The following HSD11B1 variants were observed in gnomAD, a reference collection of about 807,000 sequenced individuals.
HSD11B1 encodes 11-beta-hydroxysteroid dehydrogenase 1.
A neutral mutation model predicts 22.1 loss-of-function variants in HSD11B1; 15 were observed. That is an observed-to-expected ratio of 0.68 (90% CI 0.45 to 1.04). The LOEUF (loss-of-function observed/expected upper bound fraction) is 1.04, where lower values mean the gene tolerates loss of function less well. Ranked by LOEUF, HSD11B1 falls within the 50% of genes least tolerant of loss-of-function variation. HSD11B1 has a pLI of 0.00. For missense variants in HSD11B1, 281 were observed against 357.6 expected (o/e 0.79, Z 1.73); for synonymous variants, 122 against 125.2 (o/e 0.97, Z 0.17).
chr1:209,697,573 A>G (rs1314895816), intron 1 of HSD11B1, among the ~76,000 whole-genome samples: 1 of 152,180 alleles, frequency 6.6e-6, no homozygotes, highest in Non-Finnish European at 1.5e-5. Context: ...TTTTATTCAT[A>G]GTACCTGACC....
intron 1 of HSD11B1, among the ~76,000 whole-genome samples, chr1:209,699,245 A>G (rs10863782): frequency 0.71 from 108,034 of 151,732 alleles, 40,520 homozygotes; most frequent in Non-Finnish European, 0.83. Context: ...GGTGGCAAGA[A>G]AGGGAGAATC....
intron 4 of HSD11B1, among the ~76,000 whole-genome samples, chr1:209,729,707 T>G (rs1250057731): frequency 6.6e-6 from 1 of 152,152 alleles, no homozygotes; most frequent in Non-Finnish European, 1.5e-5. Flanking sequence ...ATATCCCTGA[T>G]GAACACAGAT....
At chr1:209,727,350 ACG>A (rs1002415158) in intron 4 of HSD11B1, among the ~76,000 whole-genome samples, 3 of 152,224 alleles carry the variant, frequency 2.0e-5, no homozygotes, top group African/African-American at 7.2e-5. Context: ...CTGTAGTCTT[ACG>A]CTACCAAGTT....
intron 4 of HSD11B1, among the ~76,000 whole-genome samples, chr1:209,726,021 C>A (rs566751908): frequency 6.6e-6 from 1 of 152,222 alleles, no homozygotes; most frequent in African/African-American, 2.4e-5. Context: ...TATATGCTTG[C>A]ATAATAGTTC....
rs767730769 is a variant in HSD11B1, at chr1:209,707,147, T to A, written c.517+19T>A. 6.9e-6 allele frequency: 11 copies of A among 1,595,926 alleles called. No individual in the cohort carries two copies. In the Admixed American group the frequency reaches 1.0e-4, roughly 15 times the overall value. The stretch of plus-strand genomic sequence containing the variant: ...CTGGCTGGTAAGTGGGACAGGGACA[T>A]ATGTGGAAGGTAGAAGAAAAAAAAA... On this transcript the variant is annotated intron_variant, in intron 4 of 5. Coordinates refer to ENST00000367027, the MANE Select transcript of HSD11B1 (RefSeq NM_005525.4).
At position 209,690,026 on chromosome 1, in the gene HSD11B1, A is replaced by G. The variant is rs564556529; in HGVS notation, c.-49+3741A>G. On this transcript the variant is annotated intron_variant, in intron 1 of 6. Coordinates refer to the HSD11B1 transcript ENST00000261465. ...AAGAAGCCAATTTTTGGCTGAAAAT[A>G]AACTTTCCTTCTCCAGCAGTGTCTC... Among the ~76,000 whole-genome samples, 3 of 152,344 alleles carry G rather than the reference A, an allele frequency of 2.0e-5. No individual in the cohort carries two copies. The South Asian group carries it at 6.2e-4, about 32-fold the overall frequency.
At position 209,722,867 on chromosome 1, in the gene HSD11B1, C is replaced by A. The variant is rs2298930; in HGVS notation, c.518-9569C>A. Reference sequence around the variant, plus strand: ...TCAATTAAAGCAGTCTAAAATCCATCTTTGAATTGGTAATCATTTCAAAAT... The same window carrying A: ...TCAATTAAAGCAGTCTAAAATCCATATTTGAATTGGTAATCATTTCAAAAT... On this transcript the variant is annotated intron_variant, in intron 4 of 5. Transcript: ENST00000367027. Among the ~76,000 whole-genome samples the A allele has an allele frequency of 6.6e-5, 10 of 152,310 alleles. No individual in the cohort carries two copies. The South Asian group carries it at 1.9e-3, about 28-fold the overall frequency.
upstream of HSD11B1, among the ~76,000 whole-genome samples, chr1:209,701,543 T>G (rs919945757): frequency 5.9e-5 from 9 of 152,170 alleles, no homozygotes; most frequent in Non-Finnish European, 1.0e-4. Context: ...CCTCTCCTGT[T>G]TCAACGTTGC....
upstream of HSD11B1, among the ~76,000 whole-genome samples, chr1:209,702,834 T>C (rs1350175665): frequency 6.6e-6 from 1 of 152,254 alleles, no homozygotes; most frequent in African/African-American, 2.4e-5. Context: ...ATGCATCAAC[T>C]ACCATTACAC....
intron 1 of HSD11B1, 102 bp downstream of exon 1, chr1:209,705,132 G>T (rs886097873): frequency 1.1e-6 from 1 of 934,814 alleles, no homozygotes; most frequent in Non-Finnish European, 1.8e-6. Context: ...CTCAAAGTTG[G>T]TGAAAATGAG....
chr1:209,726,273 C>G (rs2077000517), intron 4 of HSD11B1, among the ~76,000 whole-genome samples: 1 of 50,720 alleles, frequency 2.0e-5, no homozygotes, highest in African/African-American at 8.5e-5. Flanking sequence ...GAATGAGACT[C>G]CGTAAAAAAA....
chr1:209,699,497 T>C lies in HSD11B1; in HGVS notation c.-48-5398T>C, dbSNP rs145403335. Among the ~76,000 whole-genome samples, 719 of 152,114 alleles carry C rather than the reference T, an allele frequency of 4.7e-3. 4 individuals are homozygous for C. Among genetic ancestry groups the C allele is most frequent in the Non-Finnish European group, 8.2e-3 (559 of 68,008 alleles). On this transcript the variant is annotated intron_variant, in intron 1 of 6. Transcript: ENST00000261465. ...GTAGCAGGGGAAAGACTGGCCCCCA[T>C]GATTCAATTACCTCCCCCAGGTACC...
At chr1:209,702,438 A>C (rs1452845508), upstream of HSD11B1, among the ~76,000 whole-genome samples, 4 of 152,236 alleles carry the variant, frequency 2.6e-5, no homozygotes, top group Admixed American at 2.6e-4. Context: ...AGCTAATGAG[A>C]GAACCAGCCA....
At chr1:209,712,541 A>G (rs2076904346) in intron 4 of HSD11B1, among the ~76,000 whole-genome samples, 1 of 152,216 alleles carries the variant, frequency 6.6e-6, no homozygotes, top group Non-Finnish European at 1.5e-5. Flanking sequence ...ATCATTTTAT[A>G]TATGAGGGAC....
chr1:209,734,381 A>G lies in HSD11B1; in HGVS notation c.739A>G (p.Lys247Glu), dbSNP rs751864586. 2 of 1,614,150 alleles carry G rather than the reference A, an allele frequency of 1.2e-6. No individual in the cohort carries two copies. Among genetic ancestry groups the G allele is most frequent in the Non-Finnish European group, 1.7e-6 (2 of 1,180,002 alleles). The change falls in exon 6 of 6, where the codon AAA (lysine) becomes GAA (glutamate). Residue 247 changes from lysine (K) to glutamate (E), a missense_variant. Transcript: ENST00000367027. The stretch of plus-strand genomic sequence containing the variant: ...GGAGGAATGTGCCCTGGAGATCATC[A>G]AAGGGGGAGCTCTGCGCCAAGAAGA... ...PKEECALEII[K>E]GGALRQEEVY...
chr1:209,727,375 T>C (rs963091606), intron 4 of HSD11B1, among the ~76,000 whole-genome samples: 1 of 152,260 alleles, frequency 6.6e-6, no homozygotes, highest in Non-Finnish European at 1.5e-5. Context: ...TGGTAATTTG[T>C]TATGGCAGCC....
Position 209,729,883 on chromosome 1 carries a change from A to G in HSD11B1, c.518-2553A>G, listed in dbSNP as rs141792670. Among the ~76,000 whole-genome samples the G allele has an allele frequency of 8.4e-3, 1,281 of 152,316 alleles. 12 individuals carry two copies. The highest frequency in any genetic ancestry group is 0.028 in the African/African-American group (1,165 of 41,562). Reference sequence around the variant, plus strand: ...AACAGAATCAAAGGCAAAAATATATAATCATTTCAGTAGATGATGAAAAAG... The same window carrying G: ...AACAGAATCAAAGGCAAAAATATATGATCATTTCAGTAGATGATGAAAAAG... On this transcript the variant is annotated intron_variant, in intron 4 of 5. Coordinates refer to ENST00000367027, the MANE Select transcript of HSD11B1 (RefSeq NM_005525.4).
At chr1:209,705,372 CAAAAAAA>C (rs5780533) in intron 1 of HSD11B1, among the ~76,000 whole-genome samples, 1 of 83,050 alleles carries the variant, frequency 1.2e-5, no homozygotes, top group Non-Finnish European at 2.6e-5. Flanking sequence ...AAGTGGGAGG[CAAAAAAA>C]AAAAAAAAAA....
intron 1 of HSD11B1, among the ~76,000 whole-genome samples, chr1:209,691,015 A>C (rs2102352399): frequency 6.6e-6 from 1 of 152,280 alleles, no homozygotes; most frequent in East Asian, 1.9e-4. Flanking sequence ...CTCATCAAAG[A>C]ATATTATTGG....
Sources: gnomAD v4.1 joint callset for allele counts (sites outside exome capture counted in the v4.1 genomes callset) on GRCh38, gnomAD v4.1.1 for gene constraint, MANE v1.5 for transcripts, NCBI Gene and HGNC (gene_info 2026-07-23, HGNC 2026-07-21) for gene names.